NEGR1: variants seen among roughly 807,000 people sequenced by gnomAD.
NEGR1 encodes IgLON family member 4.
Under a neutral mutation model 40.9 loss-of-function variants are expected in NEGR1, and 10 were observed. The ratio of observed to expected loss-of-function variants is 0.24; its 90% CI spans 0.15 to 0.42. The LOEUF (loss-of-function observed/expected upper bound fraction) is 0.42, where lower values mean the gene tolerates loss of function less well. Ranked by LOEUF, NEGR1 falls within the 10% of genes least tolerant of loss-of-function variation. The pLI is 1.00. For synonymous variants in NEGR1, 185 were observed against 166.8 expected (o/e 1.11, Z -0.84); for missense variants, 352 against 438.9 (o/e 0.80, Z 1.77).
At chr1:71,568,683 T>C (rs1462463989) in intron 6 of NEGR1, among the ~76,000 whole-genome samples, 2 of 152,200 alleles carry the variant, frequency 1.3e-5, no homozygotes, top group East Asian at 3.9e-4. Context: ...CATATATTGT[T>C]TGTATATATA....
rs182374681 is a variant in NEGR1 at position 72,080,450 on chromosome 1, A to C, written c.177-145139T>G. Among the ~76,000 whole-genome samples, 1,095 of 152,178 alleles carry C rather than the reference A, an allele frequency of 7.2e-3. 16 individuals carry two copies. Among genetic ancestry groups the C allele is most frequent in the African/African-American group, 0.025 (1,057 of 41,542 alleles). ...TTATGCATTCAAAAACTATTTTTCTAGGTACTATGAATATTAAAAGAACAT... is the reference window on the plus strand; with the variant it reads ...TTATGCATTCAAAAACTATTTTTCTCGGTACTATGAATATTAAAAGAACAT... On this transcript the variant is annotated intron_variant, in intron 1 of 6. Transcript: ENST00000357731.
intron 3 of NEGR1, among the ~76,000 whole-genome samples, chr1:71,724,537 G>T (rs1408601096): frequency 6.6e-6 from 1 of 152,046 alleles, no homozygotes; most frequent in African/African-American, 2.4e-5. Context: ...GATGGCATAT[G>T]TTGTTAGTTT....
At position 71,407,542 on chromosome 1, in the gene NEGR1, G is replaced by A. The variant is rs148447259; in HGVS notation, c.969C>T (p.Thr323=). 513 of 1,611,444 alleles carry A rather than the reference G, an allele frequency of 3.2e-4. 3 individuals carry two copies. Among genetic ancestry groups the A allele is most frequent in the South Asian group, 1.8e-3 (167 of 91,002 alleles). ...AGGAGAAAAGAACATCAGCGCTCCC[G>A]GTAATTCCATACTGGGCTGTACTTG... is the stretch of plus-strand genomic sequence containing the variant. ...NPPSTAQYGI[T]GSADVLFSCW... is the part of the protein sequence containing the mutation. The change falls in exon 7 of 7, where the codon ACC becomes ACT. Residue 323 remains threonine (T), a synonymous_variant. Transcript: ENST00000357731.
At chr1:71,986,287 C>A (rs1276292208) in intron 1 of NEGR1, among the ~76,000 whole-genome samples, 3 of 152,184 alleles carry the variant, frequency 2.0e-5, no homozygotes, top group African/African-American at 7.2e-5. Flanking sequence ...CATTAATCTA[C>A]CAGATATGTT....
At chr1:71,454,025 C>G (rs2101332913) in intron 6 of NEGR1, among the ~76,000 whole-genome samples, 1 of 152,248 alleles carries the variant, frequency 6.6e-6, no homozygotes, top group East Asian at 1.9e-4. Context: ...TTACATTTTT[C>G]TTCTCTTCAG....
intron 3 of NEGR1, among the ~76,000 whole-genome samples, chr1:71,710,371 T>C (rs143286807): frequency 6.6e-6 from 1 of 152,306 alleles, no homozygotes; most frequent in Non-Finnish European, 1.5e-5. Flanking sequence ...ATCCCACTGC[T>C]GGGCATACAC....
At chr1:71,668,493 T>C (rs1034864626) in intron 4 of NEGR1, among the ~76,000 whole-genome samples, 5 of 152,326 alleles carry the variant, frequency 3.3e-5, no homozygotes, top group South Asian at 4.1e-4. Flanking sequence ...AACTATTCTT[T>C]TTTTAATTGA....
chr1:72,037,517 A>G (rs1289155719), intron 1 of NEGR1, among the ~76,000 whole-genome samples: 1 of 152,160 alleles, frequency 6.6e-6, no homozygotes, highest in Non-Finnish European at 1.5e-5. Context: ...ATCATTAACC[A>G]ATTGTGCTGT....
intron 6 of NEGR1, among the ~76,000 whole-genome samples, chr1:71,556,101 T>C (rs1648243639): frequency 6.6e-6 from 1 of 151,428 alleles, no homozygotes; most frequent in Non-Finnish European, 1.5e-5. Flanking sequence ...TGAGATGTCA[T>C]TTACTAGACC....
chr1:71,434,873 C>G (rs551767782), intron 6 of NEGR1, among the ~76,000 whole-genome samples: 1 of 152,106 alleles, frequency 6.6e-6, no homozygotes, highest in Non-Finnish European at 1.5e-5. Flanking sequence ...GGGCGGATCA[C>G]GAGGTCAGGA....
At chr1:71,768,927 G>A (rs1377305094) in intron 3 of NEGR1, among the ~76,000 whole-genome samples, 2 of 151,978 alleles carry the variant, frequency 1.3e-5, no homozygotes, top group Middle Eastern at 3.2e-3. Context: ...CCTTTCTCCT[G>A]CTCCAGCATT....
intron 1 of NEGR1, among the ~76,000 whole-genome samples, chr1:72,280,390 C>T (rs2100571051): frequency 6.6e-6 from 1 of 152,270 alleles, no homozygotes; most frequent in South Asian, 2.1e-4. Context: ...TGGTAATGCT[C>T]ACTACAAATA....
At chr1:71,729,359 A>G (rs532941365) in intron 3 of NEGR1, among the ~76,000 whole-genome samples, 3 of 152,164 alleles carry the variant, frequency 2.0e-5, no homozygotes, top group Non-Finnish European at 4.4e-5. Flanking sequence ...TTTCACCTAA[A>G]CTAATCATAA....
chr1:71,967,424 A>T (rs959842216), intron 1 of NEGR1, among the ~76,000 whole-genome samples: 2 of 152,150 alleles, frequency 1.3e-5, no homozygotes, highest in Non-Finnish European at 2.9e-5. Context: ...ATTTTATATC[A>T]CCAGAGGCTT....
chr1:72,009,101 A>C (rs1646634716), intron 1 of NEGR1, among the ~76,000 whole-genome samples: 1 of 152,056 alleles, frequency 6.6e-6, no homozygotes, highest in African/African-American at 2.4e-5. Context: ...GTAATGGTGC[A>C]TATTACCATT....
At chr1:71,990,052 AG>A (rs1457961402) in intron 1 of NEGR1, among the ~76,000 whole-genome samples, 1 of 152,200 alleles carries the variant, frequency 6.6e-6, no homozygotes, top group Non-Finnish European at 1.5e-5. Flanking sequence ...TTATGATTAA[AG>A]GTTTACTTTT....
At chr1:71,951,576 C>A (rs1449863959) in intron 1 of NEGR1, among the ~76,000 whole-genome samples, 1 of 151,808 alleles carries the variant, frequency 6.6e-6, no homozygotes, top group East Asian at 1.9e-4. Flanking sequence ...TGCAAGTAGA[C>A]TAGAAAATTT....
At position 71,742,092 on chromosome 1, in the gene NEGR1, G is replaced by A. The variant is rs142158867; in HGVS notation, c.535+34080C>T. Among the ~76,000 whole-genome samples the A allele has an allele frequency of 4.0e-3, 613 of 152,268 alleles. 2 individuals carry two copies. The highest frequency in any genetic ancestry group is 0.013 in the African/African-American group (553 of 41,550). ...ATTAGGTCATGGGAGTGGGGCTCTCGTAAGAGGATTAGTGCACTTATGAAA... is the reference window on the plus strand; with the variant it reads ...ATTAGGTCATGGGAGTGGGGCTCTCATAAGAGGATTAGTGCACTTATGAAA... On this transcript the variant is annotated intron_variant, in intron 3 of 6. Transcript: ENST00000357731.
chr1:72,092,519 G>A (rs1648538616), intron 1 of NEGR1, among the ~76,000 whole-genome samples: 1 of 152,090 alleles, frequency 6.6e-6, no homozygotes, highest in African/African-American at 2.4e-5. Flanking sequence ...ATCTAGCAAA[G>A]TTTTACTTAA....
Sources: allele counts gnomAD v4.1 joint callset (sites outside exome capture counted in the v4.1 genomes callset), GRCh38; gene constraint gnomAD v4.1.1; transcripts MANE v1.5; gene names NCBI Gene and HGNC (gene_info 2026-07-23, HGNC 2026-07-21).